RNF123: variants seen among roughly 807,000 people sequenced by gnomAD.
The protein encoded by RNF123 is ring finger protein 123, also known as E3 ubiquitin-protein ligase RNF123.
Under a neutral mutation model 168.5 loss-of-function variants are expected in RNF123, and 86 were observed. The ratio of observed to expected loss-of-function variants is 0.51; its 90% CI spans 0.43 to 0.61. RNF123 has a LOEUF of 0.61. RNF123 is among the 20% of genes least tolerant of loss of function. RNF123 has a pLI of 0.00. For synonymous variants in RNF123, 666 were observed against 689.1 expected, an observed-to-expected ratio of 0.97 and a Z score of 0.52; for missense variants, 1,419 against 1,729.7, an observed-to-expected ratio of 0.82 and a Z score of 3.19.
intron 20 of RNF123, 35 bp downstream of exon 20, chr3:49,702,788 G>T: frequency 6.2e-7 from 1 of 1,613,594 alleles, no homozygotes; most frequent in South Asian, 1.1e-5. Flanking sequence ...CAGTGAGGCT[G>T]GACAGAGCCA....
At chr3:49,718,317 T>A (rs2080295931) in intron 35 of RNF123, 3 of 1,613,294 alleles carry the variant, frequency 1.9e-6, no homozygotes, top group South Asian at 1.1e-5. Flanking sequence ...TGGTGAAGCC[T>A]GTGTTGAAAG....
chr3:49,714,215 G>A, intron 31 of RNF123, 41 bp downstream of exon 31: 2 of 1,579,380 alleles, frequency 1.3e-6, no homozygotes, highest in Non-Finnish European at 1.7e-6. Context: ...AAGGCAGGCG[G>A]GGGCGCTTAC....
rs1407044119 is a variant in RNF123 at position 49,700,338 on chromosome 3, T to A, written c.1096T>A (p.Trp366Arg). 1.2e-6 allele frequency: 2 copies of A among 1,614,088 alleles called. No homozygotes were observed. Among genetic ancestry groups the A allele is most frequent in the Non-Finnish European group, 1.7e-6 (2 of 1,180,022 alleles). The change falls in exon 13 of 39, where the codon TGG becomes AGG. Residue 366 changes from tryptophan (W) to arginine (R), a missense_variant. Trp to Arg is a moderately radical substitution (Grantham distance 101). This residue lies in a region of RNF123 where 349 missense variants were observed against 344.9 expected (regional missense o/e 1.01). Transcript: ENST00000327697. ...GGTGCACCAGGTCCTGGACCTCTTG[T>A]GGCTCTTCATGGAGGTGAGGCTCCT... ...SVVHQVLDLL[W>R]LFMEDYEVQD... is the part of the protein sequence containing the mutation.
In RNF123 at chr3:49,701,812, G is replaced by A; in HGVS notation, c.1397G>A (p.Gly466Asp). 6.4e-7 allele frequency: 1 copy of A among 1,569,986 alleles called. No individual in the cohort carries two copies. The highest frequency in any genetic ancestry group is 2.3e-5 in the East Asian group (1 of 43,342). ...TWWPHCSSRE[G>D]KESTEMKEET... is the part of the protein sequence containing the mutation. The stretch of plus-strand genomic sequence containing the variant: ...ATTCCACCTGCTACCCCTGCCTAGG[G>A]CAAAGAGAGCACGGAGATGAAGGAG... Residue 466 changes from glycine (G) to aspartate (D), a missense_variant and splice_region_variant, in exon 17 of 39, where the codon GGC (glycine) becomes GAC (aspartate). By Grantham distance (94) the Gly-to-Asp change is moderately conservative (BLOSUM62 -1). Transcript: ENST00000327697.
chr3:49,713,643 C>A (rs766034266), intron 28 of RNF123, 56 bp downstream of exon 28: 334 of 1,579,944 alleles, frequency 2.1e-4, no homozygotes, highest in Non-Finnish European at 2.7e-4. Flanking sequence ...CACCTCTGGT[C>A]GGCTTTCTTC....
Position 49,698,261 on chromosome 3 carries a change from G to A in RNF123, c.483+124G>A, listed in dbSNP as rs2054307764. The A allele has an allele frequency of 4.1e-6, 4 of 981,958 alleles. No homozygotes were observed. The Admixed American group carries it at 6.7e-5, about 16-fold the overall frequency. The allele number at this position is 981,958 out of a possible 1,614,324, so 60.8% of individuals were successfully genotyped here. ...CCTAACTAACCTGGACTGCCCTCTGGAGAAGAAACGTGTCCCACCCAATCC... is the reference window on the plus strand; with the variant it reads ...CCTAACTAACCTGGACTGCCCTCTGAAGAAGAAACGTGTCCCACCCAATCC... On this transcript the variant is annotated intron_variant, in intron 7 of 38. Transcript: ENST00000327697.
intron 1 of RNF123, among the ~76,000 whole-genome samples, chr3:49,690,162 C>T (rs1258395663): frequency 1.3e-5 from 2 of 152,090 alleles, no homozygotes; most frequent in African/African-American, 4.8e-5. Flanking sequence ...GACTGAACTG[C>T]AGAGTAGGGA....
In RNF123 at chr3:49,705,531, C is replaced by A. The variant is rs764813625; in HGVS notation, c.2159-3C>A. ...CTTGACCCTTCCCTCCCCAACTCCC[C>A]AGTTGAAGGCAGCCACTGGAATGAG... On this transcript the variant is annotated splice_region_variant and splice_polypyrimidine_tract_variant and intron_variant, in intron 23 of 38. Transcript: ENST00000327697. 6.3e-7 allele frequency: 1 copy of A among 1,585,766 alleles called. No homozygotes were observed. Among genetic ancestry groups the A allele is most frequent in the African/African-American group, 1.4e-5 (1 of 74,018 alleles).
intron 35 of RNF123, chr3:49,719,458 C>A: frequency 6.2e-7 from 1 of 1,611,292 alleles, no homozygotes; most frequent in Non-Finnish European, 8.5e-7. Flanking sequence ...CAGCACCAAC[C>A]AGGTCATGGC....
chr3:49,714,277 G>T (rs1320590505), intron 31 of RNF123, 103 bp downstream of exon 31: 2 of 1,070,876 alleles, frequency 1.9e-6, no homozygotes, highest in Non-Finnish European at 2.8e-6. Context: ...CCCCTCTCTG[G>T]TTCCCCCATT....
rs771621956 is a variant in RNF123, at chr3:49,700,323, G to C, written c.1081G>C (p.Val361Leu). 1.4e-5 allele frequency: 22 copies of C among 1,614,246 alleles called. No individual in the cohort carries two copies. The highest frequency in any genetic ancestry group is 1.8e-5 in the Non-Finnish European group (21 of 1,180,048). The change falls in exon 13 of 39, where the codon GTC (valine) becomes CTC (leucine). Residue 361 changes from valine (V) to leucine (L), a missense_variant. By Grantham distance (32) the Val-to-Leu change is conservative. Transcript: ENST00000327697. Reference sequence around the variant, plus strand: ...ACAGGCACAGTCCGTGGTGCACCAGGTCCTGGACCTCTTGTGGCTCTTCAT... The same window carrying C: ...ACAGGCACAGTCCGTGGTGCACCAGCTCCTGGACCTCTTGTGGCTCTTCAT... Reference protein sequence around the residue: ...PTQAQSVVHQVLDLLWLFMED... With the variant: ...PTQAQSVVHQLLDLLWLFMED...
intron 35 of RNF123, 194 bp from the exon 36 acceptor site, chr3:49,720,317 G>GAA (rs370438853): frequency 0.027 from 9,143 of 336,744 alleles, no homozygotes; most frequent in East Asian, 0.032. Flanking sequence ...CTCGTCTCAA[G>GAA]AAAAAAAAAA....
intron 35 of RNF123, chr3:49,718,808 GGTT>G (rs760066540): frequency 1.8e-5 from 29 of 1,613,230 alleles, no homozygotes; most frequent in East Asian, 2.2e-5. Flanking sequence ...CAAGGCAAAG[GGTT>G]GTTGTGCAAG....
At position 49,713,953 on chromosome 3, in the gene RNF123, C is replaced by G; in HGVS notation, c.2881C>G (p.Arg961Gly). ...VRNLLAPYEQ[R>G]PWAQTNWILV... ...GAACCTCCTGGCGCCCTATGAGCAG[C>G]GGCCCTGGGCCCAGACCAACTGGAT... The change falls in exon 30 of 39, where the codon CGG becomes GGG. Residue 961 changes from arginine to glycine, a missense_variant. This residue lies in a region of RNF123 where 538 missense variants were observed against 708.8 expected (regional missense o/e 0.76). Transcript: ENST00000327697. The G allele has an allele frequency of 3.1e-6, 5 of 1,614,028 alleles. No individual in the cohort carries two copies. Among genetic ancestry groups the G allele is most frequent in the Non-Finnish European group, 4.2e-6 (5 of 1,179,996 alleles).
At chr3:49,719,623 C>G (rs2080343612) in intron 35 of RNF123, 2 of 643,622 alleles carry the variant, frequency 3.1e-6, no homozygotes, top group Non-Finnish European at 5.4e-6. Flanking sequence ...CTCTCCGGTT[C>G]CCAGGTTGTG....
At chr3:49,719,377 G>A (rs780229420) in intron 35 of RNF123, 3 of 1,613,612 alleles carry the variant, frequency 1.9e-6, no homozygotes, top group Non-Finnish European at 2.5e-6. Flanking sequence ...GTTGTGGAGC[G>A]CACGGGGCGG....
intron 31 of RNF123, among the ~76,000 whole-genome samples, chr3:49,714,818 T>C (rs2080208830): frequency 6.6e-6 from 1 of 152,234 alleles, no homozygotes; most frequent in Non-Finnish European, 1.5e-5. Context: ...TGGCTCTTCT[T>C]GGCTCATGTA....
rs1202880940 is a variant in RNF123 at position 49,705,015 on chromosome 3, C to T, written c.1991C>T (p.Pro664Leu). The change falls in exon 23 of 39, where the codon CCA becomes CTA. Residue 664 changes from proline to leucine, a missense_variant. This residue lies in a region of RNF123 where 538 missense variants were observed against 708.8 expected (regional missense o/e 0.76). Coordinates refer to ENST00000327697, the MANE Select transcript of RNF123 (RefSeq NM_022064.5). ...ATGCAGGCCCTGGCTGTTGGGGGGC[C>T]ACTGCCCCTGCCCCGGCCCGGCTGG... ...RPMQALAVGG[P>L]LPLPRPGWLS... 2 of 1,608,792 alleles carry T rather than the reference C, an allele frequency of 1.2e-6. No homozygotes were observed. The highest frequency in any genetic ancestry group is 2.2e-5 in the East Asian group (1 of 44,762).
chr3:49,708,410 C>T (rs942075278), intron 26 of RNF123, among the ~76,000 whole-genome samples: 3 of 152,258 alleles, frequency 2.0e-5, no homozygotes, highest in Admixed American at 6.5e-5. Context: ...TGACAGCTCC[C>T]ACCCATCCCC....
Sources: gnomAD v4.1 joint callset for allele counts (sites outside exome capture counted in the v4.1 genomes callset) on GRCh38, gnomAD v4.1.1 for gene constraint, gnomAD v4.1.1 regional missense constraint, MANE v1.5 for transcripts, NCBI Gene and HGNC (gene_info 2026-07-23, HGNC 2026-07-21) for gene names.